Variants in AGMO observed in about 807,000 individuals in gnomAD.
AGMO encodes the protein alkylglycerol monooxygenase.
AGMO carries 75 observed loss-of-function variants against 60.2 expected under a neutral mutation model. The ratio of observed to expected loss-of-function variants is 1.25; its 90% CI spans 1.03 to 1.51. The LOEUF is 1.51. AGMO is among the 40% of genes most tolerant of loss of function. AGMO has a pLI of 0.00. For missense variants in AGMO, 763 were observed against 525.5 expected, an observed-to-expected ratio of 1.45 and a Z score of -4.42; for synonymous variants, 261 against 177.1, an observed-to-expected ratio of 1.47 and a Z score of -3.76.
At chr7:15,156,222 G>A in the AGMO span, among the ~76,000 whole-genome samples, 4 of 152,196 alleles carry the variant, frequency 2.6e-5, no homozygotes. Flanking sequence ...GTATGCACTG[G>A]CAGGGGTCCA....
chr7:15,290,263 G>A (rs1472117792), intron 12 of AGMO, among the ~76,000 whole-genome samples: 3 of 151,978 alleles, frequency 2.0e-5, no homozygotes, highest in Admixed American at 6.6e-5. Flanking sequence ...TCCTCACCTC[G>A]TGATCTGCCT....
chr7:15,331,510 C>A lies in AGMO; in HGVS notation c.1263+34004G>T, dbSNP rs571775116. Among the ~76,000 whole-genome samples, 4 of 152,258 alleles carry A rather than the reference C, an allele frequency of 2.6e-5. No homozygotes were observed. In the South Asian group the frequency reaches 8.3e-4, roughly 32 times the overall value. On this transcript the variant is annotated intron_variant, in intron 12 of 12. Transcript: ENST00000342526. Reference sequence around the variant, plus strand: ...AAATTCAGGGAAAGGGGTAGAAGCCCTGTGTGAAAACAGGCTGTGTTCCTG... The same window carrying A: ...AAATTCAGGGAAAGGGGTAGAAGCCATGTGTGAAAACAGGCTGTGTTCCTG...
At chr7:15,438,416 A>C (rs1014968341) in intron 3 of AGMO, among the ~76,000 whole-genome samples, 2 of 152,188 alleles carry the variant, frequency 1.3e-5, no homozygotes, top group East Asian at 1.9e-4. Context: ...AGATGAAGAA[A>C]TGGAGATACA....
chr7:15,368,033 T>C (rs1229547538), intron 10 of AGMO, among the ~76,000 whole-genome samples: 3 of 152,020 alleles, frequency 2.0e-5, no homozygotes, highest in African/African-American at 7.2e-5. Flanking sequence ...CTTCCTGGAA[T>C]GGCAGCCAGA....
At chr7:15,432,999 C>A (rs762656426) in intron 3 of AGMO, among the ~76,000 whole-genome samples, 5 of 151,946 alleles carry the variant, frequency 3.3e-5, no homozygotes, top group African/African-American at 7.2e-5. Context: ...ATCTAAACAC[C>A]ATTTTCTCTT....
At chr7:15,201,406 A>G in intron 12 of AGMO, 47 bp from the exon 13 acceptor site, 6 of 1,315,438 alleles carry the variant, frequency 4.6e-6, no homozygotes, top group Non-Finnish European at 6.5e-6. Flanking sequence ...AAGTGAATCA[A>G]TACTATTGCT....
At chr7:15,424,626 TC>T (rs1436873595) in intron 4 of AGMO, among the ~76,000 whole-genome samples, 1 of 152,222 alleles carries the variant, frequency 6.6e-6, no homozygotes, top group Non-Finnish European at 1.5e-5. Context: ...CTAGCATTAG[TC>T]TTTGATACTA....
chr7:15,560,831 CATA>C (rs948825556), intron 1 of AGMO, among the ~76,000 whole-genome samples: 9 of 152,086 alleles, frequency 5.9e-5, no homozygotes, highest in Non-Finnish European at 1.3e-4. Flanking sequence ...TTTTGTTTCA[CATA>C]ATAAGAGATG....
At chr7:15,426,180 C>T in intron 4 of AGMO, among the ~76,000 whole-genome samples, 1 of 152,184 alleles carries the variant, frequency 6.6e-6, no homozygotes, top group African/African-American at 2.4e-5. Context: ...TTCACATTGG[C>T]CTGACTCTAG....
At chr7:15,369,585 C>G (rs1014828177) in intron 10 of AGMO, among the ~76,000 whole-genome samples, 16 of 152,192 alleles carry the variant, frequency 1.1e-4, no homozygotes, top group African/African-American at 3.9e-4. Flanking sequence ...ATGTCCTTGT[C>G]CCTCCGACAC....
At chr7:15,533,975 C>T (rs1281405808) in intron 3 of AGMO, among the ~76,000 whole-genome samples, 1 of 151,982 alleles carries the variant, frequency 6.6e-6, no homozygotes, top group African/African-American at 2.4e-5. Flanking sequence ...CCAAGATTTG[C>T]AGATTTCGAG....
intron 5 of AGMO, among the ~76,000 whole-genome samples, chr7:15,404,732 T>G (rs919346619): frequency 2.2e-4 from 33 of 151,896 alleles, no homozygotes; most frequent in Non-Finnish European, 2.5e-4. Flanking sequence ...TAAAGCTCAC[T>G]GTATTGTGAC....
chr7:15,396,633 C>T lies in AGMO; in HGVS notation c.610-2454G>A, dbSNP rs1463120364. 4.0e-5 allele frequency: 6 copies of T among 151,042 alleles called. No homozygotes were observed. In the East Asian group the frequency reaches 7.8e-4, roughly 20 times the overall value. 9.4% of individuals were successfully genotyped at this position (151,042 alleles called of 1,614,324 possible). A position where few individuals can be genotyped will look rare whatever the true frequency, so the allele number is the denominator to read the frequency against. ...TTATCCGGCCCCGCCCCCTCCCCCA[C>T]ACATCCTGCTGATTGGTCCACTTTA... On this transcript the variant is annotated intron_variant, in intron 5 of 12. Transcript: ENST00000342526.
chr7:15,322,505 A>T (rs781362395), intron 12 of AGMO, among the ~76,000 whole-genome samples: 1,617 of 52,314 alleles, frequency 0.031, 73 homozygotes, highest in East Asian at 0.056. Context: ...TAAATATATA[A>T]ATATATATAT....
chr7:15,540,342 C>A (rs1784592618), intron 3 of AGMO, among the ~76,000 whole-genome samples: 1 of 152,032 alleles, frequency 6.6e-6, no homozygotes, highest in African/African-American at 2.4e-5. Flanking sequence ...TGGTGTGGCC[C>A]CCTGAATGGC....
chr7:15,380,437 G>A (rs1444892919), intron 10 of AGMO, among the ~76,000 whole-genome samples: 2 of 152,076 alleles, frequency 1.3e-5, no homozygotes, highest in Non-Finnish European at 2.9e-5. Flanking sequence ...AAAATACCTA[G>A]TGATACAGAT....
intron 3 of AGMO, among the ~76,000 whole-genome samples, chr7:15,474,952 C>T (rs1264393207): frequency 6.6e-6 from 1 of 152,034 alleles, no homozygotes; most frequent in Non-Finnish European, 1.5e-5. Flanking sequence ...AGCTCATCAT[C>T]CCTGGTCATT....
At chr7:15,146,824 T>C in the AGMO span, among the ~76,000 whole-genome samples, 1 of 152,136 alleles carries the variant, frequency 6.6e-6, no homozygotes, top group Admixed American at 6.6e-5. Context: ...AACAGTAGCA[T>C]CTCAAAATCA....
At chr7:15,348,028 C>G (rs561788360) in intron 12 of AGMO, among the ~76,000 whole-genome samples, 1 of 152,128 alleles carries the variant, frequency 6.6e-6, no homozygotes, top group East Asian at 1.9e-4. Flanking sequence ...CTGAAGTTAA[C>G]TGTTACTTTT....
Sources: allele counts gnomAD v4.1 joint callset (sites outside exome capture counted in the v4.1 genomes callset), GRCh38; gene constraint gnomAD v4.1.1; transcripts MANE v1.5; gene names NCBI Gene and HGNC (gene_info 2026-07-23, HGNC 2026-07-21).